The following CUL5 variants were observed in gnomAD, a reference collection of about 807,000 sequenced individuals.
The protein encoded by CUL5 is cullin 5, also known as cullin-5.
Under a neutral mutation model 108.8 loss-of-function variants are expected in CUL5, and 26 were observed. That is an observed-to-expected ratio of 0.24 (90% CI 0.18 to 0.33). The LOEUF (loss-of-function observed/expected upper bound fraction) is 0.33, where lower values mean the gene tolerates loss of function less well. Ranked by LOEUF, CUL5 falls within the 10% of genes least tolerant of loss-of-function variation. The pLI, the probability that CUL5 is intolerant of heterozygous loss-of-function variation, is 1.00. For missense variants in CUL5, 524 were observed against 909.2 expected (o/e 0.58, Z 5.45); for synonymous variants, 334 against 298.0 (o/e 1.12, Z -1.25).
intron 7 of CUL5, among the ~76,000 whole-genome samples, chr11:108,067,591 A>G (rs866226310): frequency 2.0e-5 from 3 of 151,902 alleles, no homozygotes; most frequent in Non-Finnish European, 4.4e-5. Flanking sequence ...ATTTCACAAC[A>G]TACAGTCTGA....
intron 1 of CUL5, among the ~76,000 whole-genome samples, chr11:108,025,695 T>C (rs1862435348): frequency 6.6e-6 from 1 of 152,144 alleles, no homozygotes; most frequent in Non-Finnish European, 1.5e-5. Context: ...TTCCCCAGTC[T>C]CTTACAGTTT....
At position 108,073,508 on chromosome 11, in the gene CUL5, CTA is replaced by C. The variant is rs1565258826; in HGVS notation, c.1113+20_1113+21del. On this transcript the variant is annotated intron_variant, in intron 10 of 18. Coordinates refer to ENST00000393094, the MANE Select transcript of CUL5 (RefSeq NM_003478.6). ...ACTGCAAGAGATAAGGTATATATTCCTATATATATAAAAAACACTTTTAAAAG... is the reference window on the plus strand; with the variant it reads ...ACTGCAAGAGATAAGGTATATATTCCTATATATAAAAAACACTTTTAAAAG... The C allele has an allele frequency of 5.7e-6, 7 of 1,220,510 alleles. No individual in the cohort carries two copies. In the African/African-American group the frequency reaches 7.7e-5, roughly 13 times the overall value. 75.6% of individuals were successfully genotyped at this position (1,220,510 alleles called of 1,614,324 possible).
In CUL5 at chr11:108,009,113, G is replaced by A. The variant is rs1861990763; in HGVS notation, c.-236G>A. 1 of 568,656 alleles carries A rather than the reference G, an allele frequency of 1.8e-6. No homozygotes were observed. Among genetic ancestry groups the A allele is most frequent in the Non-Finnish European group, 3.2e-6 (1 of 315,834 alleles). 35.2% of individuals were successfully genotyped at this position (568,656 alleles called of 1,614,324 possible). A position where few individuals can be genotyped will look rare whatever the true frequency, so the allele number is the denominator to read the frequency against. ...TCGCCGTTCCGGTCTTCCTGAGCGC[G>A]TGCATGAGGTCTTTCGCGTGGGGAA... On this transcript the variant is annotated 5_prime_UTR_variant, in exon 1 of 19. The change creates a new upstream start codon in the 5' untranslated region. Transcript: ENST00000393094.
chr11:108,102,587 T>C (rs1248094331), intron 18 of CUL5, among the ~76,000 whole-genome samples: 1 of 151,986 alleles, frequency 6.6e-6, no homozygotes, highest in East Asian at 1.9e-4. Flanking sequence ...CACCTCAACC[T>C]CCCAAATTGC....
chr11:108,077,982 A>G (rs1039569978), intron 10 of CUL5, among the ~76,000 whole-genome samples, 194 bp from the exon 11 acceptor site: 1 of 152,122 alleles, frequency 6.6e-6, no homozygotes, highest in Non-Finnish European at 1.5e-5. Flanking sequence ...ACAACAAAAA[A>G]ACCTCACTTG....
intron 5 of CUL5, 95 bp downstream of exon 5, chr11:108,052,896 C>T: frequency 2.9e-6 from 3 of 1,030,596 alleles, no homozygotes; most frequent in Non-Finnish European, 4.1e-6. Context: ...TATTGGCATA[C>T]AAAGTTACAT....
chr11:108,053,074 T>C lies in CUL5; in HGVS notation c.553+273T>C, dbSNP rs544845863. Reference sequence around the variant, plus strand: ...AGATATATAAATTTGAATGTGTAGCTCATAAAAGGTAACTAGTTCATTAAA... The same window carrying C: ...AGATATATAAATTTGAATGTGTAGCCCATAAAAGGTAACTAGTTCATTAAA... On this transcript the variant is annotated intron_variant, in intron 5 of 18. Transcript: ENST00000393094. Among the ~76,000 whole-genome samples, 344 of 152,360 alleles carry C rather than the reference T, an allele frequency of 2.3e-3. 1 individual carries two copies. Among genetic ancestry groups the C allele is most frequent in the African/African-American group, 7.6e-3 (318 of 41,580 alleles).
intron 11 of CUL5, among the ~76,000 whole-genome samples, chr11:108,081,503 A>T (rs1386830381): frequency 6.6e-6 from 1 of 152,194 alleles, no homozygotes; most frequent in Non-Finnish European, 1.5e-5. Flanking sequence ...CTGTAATCCC[A>T]GCACTTAGGG....
At chr11:108,103,289 C>T (rs912721580) in intron 18 of CUL5, among the ~76,000 whole-genome samples, 1 of 152,030 alleles carries the variant, frequency 6.6e-6, no homozygotes, top group African/African-American at 2.4e-5. Context: ...GACTGGGCAT[C>T]GTGGCTTACA....
At chr11:108,010,369 G>A (rs866320192) in intron 1 of CUL5, among the ~76,000 whole-genome samples, 2 of 152,330 alleles carry the variant, frequency 1.3e-5, no homozygotes, top group Middle Eastern at 3.4e-3. Context: ...AAATATACAG[G>A]AACCTAACCA....
chr11:108,028,286 A>T (rs1050159628), intron 1 of CUL5, among the ~76,000 whole-genome samples: 1 of 152,154 alleles, frequency 6.6e-6, no homozygotes, highest in Non-Finnish European at 1.5e-5. Flanking sequence ...GTAGTGCCAC[A>T]CTTACTGGAC....
chr11:108,033,679 A>G (rs1361212032), intron 1 of CUL5, 123 bp from the exon 2 acceptor site: 5 of 623,764 alleles, frequency 8.0e-6, no homozygotes, highest in African/African-American at 7.4e-5. Context: ...GGATTCCATT[A>G]TGGAAAACTG....
intron 1 of CUL5, among the ~76,000 whole-genome samples, chr11:108,028,823 C>CA (rs919421550): frequency 7.3e-5 from 11 of 151,078 alleles, no homozygotes; most frequent in African/African-American, 9.7e-5. Flanking sequence ...GACTCCATCT[C>CA]AAAAAAAATA....
At position 108,070,088 on chromosome 11, in the gene CUL5, T is replaced by C. The variant is rs2135179408; in HGVS notation, c.781-8T>C. On this transcript the variant is annotated splice_polypyrimidine_tract_variant and splice_region_variant and intron_variant, in intron 7 of 18. Transcript: ENST00000393094. ...TAGTAGCCTTGACTAATTTTTGATATATTTCAGCTCATGGAATGCTGTGTA... is the reference window on the plus strand; with the variant it reads ...TAGTAGCCTTGACTAATTTTTGATACATTTCAGCTCATGGAATGCTGTGTA... 4 of 1,596,884 alleles carry C rather than the reference T, an allele frequency of 2.5e-6. No homozygotes were observed. Among genetic ancestry groups the C allele is most frequent in the Non-Finnish European group, 3.4e-6 (4 of 1,166,622 alleles).
At chr11:108,045,601 A>G (rs1458134368) in intron 2 of CUL5, among the ~76,000 whole-genome samples, 1 of 152,036 alleles carries the variant, frequency 6.6e-6, no homozygotes, top group African/African-American at 2.4e-5. Flanking sequence ...GGTGGCTAAC[A>G]CTTTTAATTC....
chr11:108,103,948 AT>A (rs1457337262), intron 18 of CUL5, among the ~76,000 whole-genome samples: 3 of 152,108 alleles, frequency 2.0e-5, no homozygotes, highest in Non-Finnish European at 4.4e-5. Flanking sequence ...CCTAATGCTT[AT>A]CCCTCCCCTA....
intron 1 of CUL5, among the ~76,000 whole-genome samples, chr11:108,020,770 A>G (rs1862309765): frequency 6.6e-6 from 1 of 152,236 alleles, no homozygotes; most frequent in South Asian, 2.1e-4. Flanking sequence ...AAAAGTTACA[A>G]TGAGCTTATA....
intron 7 of CUL5, among the ~76,000 whole-genome samples, chr11:108,061,894 G>GGAGAGA (rs145120147): frequency 2.0e-5 from 3 of 149,914 alleles, no homozygotes; most frequent in Non-Finnish European, 4.5e-5. Flanking sequence ...TGTGGCAGCA[G>GGAGAGA]GAGAGAGAGA....
At chr11:108,059,610 G>A (rs983867380) in intron 7 of CUL5, among the ~76,000 whole-genome samples, 51 of 152,246 alleles carry the variant, frequency 3.3e-4, no homozygotes, top group African/African-American at 1.2e-3. Flanking sequence ...CGGGCGCGGT[G>A]GCTCACGCCT....
Sources: allele counts gnomAD v4.1 joint callset (sites outside exome capture counted in the v4.1 genomes callset), GRCh38; gene constraint gnomAD v4.1.1; transcripts MANE v1.5; gene names NCBI Gene and HGNC (gene_info 2026-07-23, HGNC 2026-07-21).